Variants in DPYD observed in about 807,000 individuals in gnomAD.
The protein encoded by DPYD is dihydropyrimidine dehydrogenase [NADP(+)].
Under a neutral mutation model 116.2 loss-of-function variants are expected in DPYD, and 109 were observed. That is an observed-to-expected ratio of 0.94 (90% CI 0.80 to 1.10). DPYD has a LOEUF of 1.10. Ranked by LOEUF, DPYD falls within the 50% of genes least tolerant of loss-of-function variation. DPYD has a pLI of 0.00. For synonymous variants in DPYD, 440 were observed against 432.0 expected, an observed-to-expected ratio of 1.02 and a Z score of -0.23; for missense variants, 1,302 against 1,254.5, an observed-to-expected ratio of 1.04 and a Z score of -0.57.
At chr1:97,887,469 T>TAAAAAAAAAAAAAAAAAAAAAAAAAA (rs57316508) in intron 1 of DPYD, among the ~76,000 whole-genome samples, 2 of 47,138 alleles carry the variant, frequency 4.2e-5, no homozygotes, top group South Asian at 9.8e-4. Context: ...GACTCTGCAT[T>TAAAAAAAAAAAAAAAAAAAAAAAAAA]AAAAAAAAAA....
chr1:97,821,439 A>G (rs1668932848), intron 3 of DPYD, among the ~76,000 whole-genome samples: 1 of 152,148 alleles, frequency 6.6e-6, no homozygotes, highest in African/African-American at 2.4e-5. Context: ...ATATGATAGT[A>G]AAGAAATCAA....
At chr1:97,787,752 C>T (rs1254184028) in intron 3 of DPYD, among the ~76,000 whole-genome samples, 1 of 152,138 alleles carries the variant, frequency 6.6e-6, no homozygotes, top group Non-Finnish European at 1.5e-5. Flanking sequence ...AACTCAAAAT[C>T]CTCTTTTCTG....
intron 10 of DPYD, among the ~76,000 whole-genome samples, chr1:97,591,992 C>T (rs1000728684): frequency 7.3e-5 from 11 of 151,662 alleles, no homozygotes; most frequent in African/African-American, 2.4e-4. Flanking sequence ...AGATAATAAA[C>T]GTGGAATTTG....
At chr1:97,810,640 T>C (rs1668307995) in intron 3 of DPYD, among the ~76,000 whole-genome samples, 2 of 152,068 alleles carry the variant, frequency 1.3e-5, no homozygotes, top group Non-Finnish European at 2.9e-5. Flanking sequence ...ATATCCATAT[T>C]AGAGCTCTCA....
chr1:97,737,695 A>G (rs993522655), intron 4 of DPYD, among the ~76,000 whole-genome samples: 2 of 152,092 alleles, frequency 1.3e-5, no homozygotes, highest in African/African-American at 4.8e-5. Flanking sequence ...GCTTTGTAAC[A>G]GCTGTAATAT....
intron 19 of DPYD, among the ~76,000 whole-genome samples, chr1:97,219,490 G>A (rs185897683): frequency 4.5e-4 from 68 of 152,250 alleles, no homozygotes; most frequent in Non-Finnish European, 2.9e-4. Flanking sequence ...CAGAACATGT[G>A]CTTTGGAGAC....
At chr1:97,242,122 GTGTATATATATATATATA>G (rs767614856) in intron 18 of DPYD, among the ~76,000 whole-genome samples, 4,447 of 71,582 alleles carry the variant, frequency 0.062, 424 homozygotes, top group Middle Eastern at 0.093. Context: ...GTGTGTGCGT[GTGTATATATATATATATA>G]TATATATATA....
intron 8 of DPYD, among the ~76,000 whole-genome samples, chr1:97,671,561 A>G (rs558212691): frequency 1.3e-5 from 2 of 152,316 alleles, no homozygotes; most frequent in South Asian, 4.1e-4. Flanking sequence ...TAAGCAGTGA[A>G]GTAATCAAGT....
At position 97,098,594 on chromosome 1, in the gene DPYD, C is replaced by A. The variant is rs559427764; in HGVS notation, c.2661G>T (p.Lys887Asn). 1 of 1,613,024 alleles carries A rather than the reference C, an allele frequency of 6.2e-7. No homozygotes were observed. The highest frequency in any genetic ancestry group is 2.2e-5 in the East Asian group (1 of 44,738). Residue 887 changes from lysine (K) to asparagine (N), a missense_variant, in exon 21 of 23, where the codon AAG (lysine) becomes AAT (asparagine). Transcript: ENST00000370192. The part of the protein sequence containing the change: ...PSFGPYLEQR[K>N]KIIAENKIRL... The stretch of plus-strand genomic sequence containing the variant: ...TAATCTTGTTTTCTGCTATGATTTT[C>A]TTGCGCTGTTCCAGATAAGGTCCAA...
At chr1:97,739,205 AT>A (rs1269297547) in intron 4 of DPYD, among the ~76,000 whole-genome samples, 3 of 152,134 alleles carry the variant, frequency 2.0e-5, no homozygotes, top group Admixed American at 6.6e-5. Flanking sequence ...CTTCTATAGT[AT>A]TTACCATATT....
intron 3 of DPYD, among the ~76,000 whole-genome samples, chr1:97,792,394 G>C (rs1667366004): frequency 6.6e-6 from 1 of 151,674 alleles, no homozygotes; most frequent in Admixed American, 6.6e-5. Flanking sequence ...TCTGCTTCCA[G>C]GCAGCCAACA....
At chr1:97,894,928 T>C (rs1672977841) in intron 1 of DPYD, among the ~76,000 whole-genome samples, 1 of 151,694 alleles carries the variant, frequency 6.6e-6, no homozygotes, top group Non-Finnish European at 1.5e-5. Flanking sequence ...AAAATACACG[T>C]TGGAATATCT....
intron 16 of DPYD, among the ~76,000 whole-genome samples, chr1:97,341,779 A>G (rs1879375): frequency 0.27 from 41,753 of 152,054 alleles, 6,624 homozygotes; most frequent in African/African-American, 0.44. Context: ...TGCTAACAGT[A>G]GCTGCAGAAT....
chr1:97,264,479 T>A (rs1664104193), intron 18 of DPYD, among the ~76,000 whole-genome samples: 2 of 151,878 alleles, frequency 1.3e-5, no homozygotes, highest in Non-Finnish European at 2.9e-5. Flanking sequence ...AGCCAACCCT[T>A]CTCTTCCCAC....
intron 2 of DPYD, among the ~76,000 whole-genome samples, chr1:97,859,836 GAT>G (rs1343502806): frequency 3.3e-5 from 5 of 151,920 alleles, no homozygotes; most frequent in Non-Finnish European, 7.4e-5. Context: ...AAATGACAAA[GAT>G]ATGTTCCACT....
chr1:97,920,189 GC>G (rs1674436265), intron 1 of DPYD, among the ~76,000 whole-genome samples: 1 of 152,126 alleles, frequency 6.6e-6, no homozygotes, highest in African/African-American at 2.4e-5. Flanking sequence ...GAAAGGAAAT[GC>G]CATGTCGTTT....
intron 16 of DPYD, among the ~76,000 whole-genome samples, chr1:97,346,462 T>TCC (rs1304350354): frequency 1.3e-5 from 2 of 151,848 alleles, no homozygotes; most frequent in East Asian, 3.8e-4. Flanking sequence ...CTAATTTATA[T>TCC]CTTGTCTTTT....
chr1:97,724,863 A>T (rs181564333), intron 4 of DPYD, among the ~76,000 whole-genome samples: 8 of 149,886 alleles, frequency 5.3e-5, no homozygotes, highest in Non-Finnish European at 1.0e-4. Flanking sequence ...CTAGATAATT[A>T]GGCATAAAAG....
chr1:97,256,822 T>A (rs1663508703), intron 18 of DPYD, among the ~76,000 whole-genome samples: 1 of 152,116 alleles, frequency 6.6e-6, no homozygotes. Context: ...TTAAAGTCCC[T>A]CAGTCTTTAT....
Sources: allele counts gnomAD v4.1 joint callset (sites outside exome capture counted in the v4.1 genomes callset), GRCh38; gene constraint gnomAD v4.1.1; transcripts MANE v1.5; gene names NCBI Gene and HGNC (gene_info 2026-07-23, HGNC 2026-07-21).